DENND2C: variants seen among roughly 807,000 people sequenced by gnomAD.
The protein encoded by DENND2C is DENN domain-containing protein 2C.
DENND2C carries 72 observed loss-of-function variants against 112.4 expected under a neutral mutation model. That is an observed-to-expected ratio of 0.64 (90% CI 0.53 to 0.78). The LOEUF is 0.78. Ranked by LOEUF, DENND2C falls within the 30% of genes least tolerant of loss-of-function variation. DENND2C has a pLI of 0.00. For missense variants in DENND2C, 992 were observed against 1,113.8 expected (o/e 0.89, Z 1.56); for synonymous variants, 329 against 381.6 (o/e 0.86, Z 1.61).
At chr1:114,589,774 T>C (rs757346770) in intron 18 of DENND2C, among the ~76,000 whole-genome samples, 32 of 152,204 alleles carry the variant, frequency 2.1e-4, no homozygotes, top group Admixed American at 3.3e-4. Flanking sequence ...GTATATACTT[T>C]ACATATTCTT....
intron 7 of DENND2C, among the ~76,000 whole-genome samples, chr1:114,621,499 G>A (rs1239226457): frequency 6.6e-6 from 1 of 152,048 alleles, no homozygotes; most frequent in African/African-American, 2.4e-5. Flanking sequence ...TTTCATTACT[G>A]AAAATCTGTA....
intron 20 of DENND2C, among the ~76,000 whole-genome samples, chr1:114,585,979 G>A (rs1360524760): frequency 6.6e-6 from 1 of 152,010 alleles, no homozygotes; most frequent in African/African-American, 2.4e-5. Flanking sequence ...GTCAGAGCTG[G>A]GAACCACTGA....
chr1:114,664,777 CA>C (rs917858939), intron 1 of DENND2C, among the ~76,000 whole-genome samples: 2 of 144,394 alleles, frequency 1.4e-5, no homozygotes, highest in African/African-American at 2.5e-5. Flanking sequence ...TGTGCCTGGG[CA>C]AAAAAAATTG....
intron 1 of DENND2C, among the ~76,000 whole-genome samples, chr1:114,656,045 C>G (rs376639288): frequency 3.0e-4 from 45 of 151,212 alleles, no homozygotes; most frequent in Non-Finnish European, 4.4e-4. Flanking sequence ...TTGGTTATTA[C>G]GAAGAAAGCT....
intron 18 of DENND2C, among the ~76,000 whole-genome samples, chr1:114,589,604 G>A (rs1655131093): frequency 6.6e-6 from 1 of 150,986 alleles, no homozygotes; most frequent in Non-Finnish European, 1.5e-5. Context: ...AACTTATCCT[G>A]CCTTGACCTC....
intron 3 of DENND2C, among the ~76,000 whole-genome samples, chr1:114,638,667 G>A (rs759853848): frequency 6.6e-6 from 1 of 151,472 alleles, no homozygotes; most frequent in East Asian, 1.9e-4. Context: ...GGAGGCTGAG[G>A]TGGGAGGATT....
chr1:114,633,115 G>C (rs193117540), intron 3 of DENND2C, among the ~76,000 whole-genome samples: 40 of 152,252 alleles, frequency 2.6e-4, no homozygotes, highest in Non-Finnish European at 4.3e-4. Flanking sequence ...ATTGTGTATG[G>C]TGTTGTAAGT....
At position 114,585,341 on chromosome 1, in the gene DENND2C, C is replaced by A; in HGVS notation, c.*259G>T. The A allele has an allele frequency of 2.4e-6, 1 of 423,390 alleles. No individual in the cohort carries two copies. Among genetic ancestry groups the A allele is most frequent in the East Asian group, 3.5e-5 (1 of 28,662 alleles). 26.2% of individuals were successfully genotyped at this position (423,390 alleles called of 1,614,324 possible). A position where few individuals can be genotyped will look rare whatever the true frequency, so the allele number is the denominator to read the frequency against. On this transcript the variant is annotated 3_prime_UTR_variant, in exon 21 of 21. Transcript: ENST00000393274. ...CAAAGCACAAAACAGAGAATGAGCC[C>A]AAGAATCACATAGAAAAGGCTGCTA...
Position 114,601,563 on chromosome 1 carries a change from A to G in DENND2C, c.1760T>C (p.Leu587Pro). The change falls in exon 13 of 21, where the codon CTC becomes CCC. Residue 587 changes from leucine (L) to proline (P), a missense_variant. Transcript: ENST00000393274. ...ACTAACCATGCAGTATACCTCAGGG[A>G]GTCGCTTTCCTTTGCCTACTGGCTA... ...KLLPVGKGKR[L>P]PEVYCMVSRL... The G allele has an allele frequency of 6.2e-7, 1 of 1,613,292 alleles. No homozygotes were observed. Among genetic ancestry groups the G allele is most frequent in the Non-Finnish European group, 8.5e-7 (1 of 1,179,642 alleles).
intron 3 of DENND2C, among the ~76,000 whole-genome samples, chr1:114,626,659 T>G (rs1052505984): frequency 4.0e-5 from 6 of 151,766 alleles, no homozygotes; most frequent in Admixed American, 1.3e-4. Context: ...TACAGGTACA[T>G]GCCACCACAC....
chr1:114,647,227 A>G lies in DENND2C; in HGVS notation c.-316-1668T>C, dbSNP rs149605680. On this transcript the variant is annotated intron_variant, in intron 2 of 20. Coordinates refer to ENST00000393274, the MANE Select transcript of DENND2C (RefSeq NM_001256404.2). ...GGTCTGCTAAAATAACCAGGTGGCCAAAAGTTGTATGAATATATAATGTAA... is the reference window on the plus strand; with the variant it reads ...GGTCTGCTAAAATAACCAGGTGGCCGAAAGTTGTATGAATATATAATGTAA... Among the ~76,000 whole-genome samples, 17 of 152,080 alleles carry G rather than the reference A, an allele frequency of 1.1e-4. No individual in the cohort carries two copies. The East Asian group carries it at 3.1e-3, about 28-fold the overall frequency.
chr1:114,605,103 C>T, intron 10 of DENND2C, 72 bp from the exon 11 acceptor site: 2 of 1,158,280 alleles, frequency 1.7e-6, no homozygotes, highest in Non-Finnish European at 2.4e-6. Flanking sequence ...AAAACTCAGC[C>T]TTGTCTCAGG....
intron 20 of DENND2C, 34 bp from the exon 21 acceptor site, chr1:114,585,665 T>A: frequency 6.2e-7 from 1 of 1,603,566 alleles, no homozygotes; most frequent in Non-Finnish European, 8.5e-7. Context: ...GAATGCTCAA[T>A]TCATTTTTAT....
At position 114,583,119 on chromosome 1, in the gene DENND2C, G is replaced by A. The variant is rs1263938648; in HGVS notation, c.*2481C>T. ...ATTATTAACTGTTCCTGCTGGGTTGGAGTGTAAGAAGAGACCAAATGGAGA... is the reference window on the plus strand; with the variant it reads ...ATTATTAACTGTTCCTGCTGGGTTGAAGTGTAAGAAGAGACCAAATGGAGA... On this transcript the variant is annotated 3_prime_UTR_variant, in exon 21 of 21. Transcript: ENST00000393274. The A allele has an allele frequency of 1.3e-5, 2 of 152,142 alleles. No individual in the cohort carries two copies. The highest frequency in any genetic ancestry group is 2.9e-5 in the Non-Finnish European group (2 of 68,042). 9.4% of individuals were successfully genotyped at this position (152,142 alleles called of 1,614,324 possible). A position where few individuals can be genotyped will look rare whatever the true frequency, so the allele number is the denominator to read the frequency against.
In DENND2C at chr1:114,625,882, T is replaced by C. The variant is rs1570785150; in HGVS notation, c.103A>G (p.Ile35Val). The C allele has an allele frequency of 1.2e-6, 2 of 1,614,168 alleles. No homozygotes were observed. Among genetic ancestry groups the C allele is most frequent in the East Asian group, 2.2e-5 (1 of 44,864 alleles). ...GGACACCACTTTTCTGGATTAGATA[T>C]ACCATTAGCCCTTCCTTCCCATTGA... is the stretch of plus-strand genomic sequence containing the variant. Reference protein sequence around the residue: ...ISQWEGRANGISNPEKWCPKD... With the variant: ...ISQWEGRANGVSNPEKWCPKD... The change falls in exon 4 of 21, where the codon ATA (isoleucine) becomes GTA (valine). Residue 35 changes from isoleucine (I) to valine (V), a missense_variant. By Grantham distance (29) the Ile-to-Val change is conservative (BLOSUM62 3). Coordinates refer to ENST00000393274, the MANE Select transcript of DENND2C (RefSeq NM_001256404.2).
intron 1 of DENND2C, among the ~76,000 whole-genome samples, chr1:114,661,384 A>T (rs1446677733): frequency 6.6e-6 from 1 of 152,168 alleles, no homozygotes; most frequent in South Asian, 2.1e-4. Context: ...TTTTCAAGAG[A>T]TATGTAGCCA....
intron 11 of DENND2C, 84 bp from the exon 12 acceptor site, chr1:114,602,278 T>C (rs184660829): frequency 1.5e-4 from 206 of 1,366,744 alleles, no homozygotes; most frequent in Non-Finnish European, 2.0e-4. Context: ...AAAACTAGAG[T>C]CCAACAGTAG....
chr1:114,661,887 A>G (rs1320738109), intron 1 of DENND2C, among the ~76,000 whole-genome samples: 1 of 152,230 alleles, frequency 6.6e-6, no homozygotes, highest in Non-Finnish European at 1.5e-5. Context: ...GCAAAGTTCA[A>G]AAATAAAATT....
intron 8 of DENND2C, among the ~76,000 whole-genome samples, chr1:114,612,439 C>T (rs953894454): frequency 3.8e-4 from 58 of 151,254 alleles, no homozygotes; most frequent in African/African-American, 1.4e-3. Flanking sequence ...GCAACCTCTG[C>T]CTCCCGGACT....
Sources: gnomAD v4.1 joint callset for allele counts (sites outside exome capture counted in the v4.1 genomes callset) on GRCh38, gnomAD v4.1.1 for gene constraint, MANE v1.5 for transcripts, NCBI Gene and HGNC (gene_info 2026-07-23, HGNC 2026-07-21) for gene names.